CIT: variants seen among roughly 807,000 people sequenced by gnomAD.
CIT encodes the protein citron rho-interacting serine/threonine kinase.
In CIT, 79 loss-of-function variants were observed where a neutral mutation model predicts 272.7. The observed-to-expected ratio is 0.29, with a 90% CI of 0.24 to 0.35. CIT has a LOEUF of 0.35. CIT is among the 10% of genes least tolerant of loss of function. CIT has a pLI of 1.00. For missense variants in CIT, 1,909 were observed against 2,618.3 expected (o/e 0.73, Z 5.91); for synonymous variants, 948 against 995.6 (o/e 0.95, Z 0.90).
intron 1 of CIT, 107 bp downstream of exon 1, chr12:119,877,142 C>G (rs893592168): frequency 3.9e-5 from 6 of 152,200 alleles, no homozygotes; most frequent in Non-Finnish European, 8.8e-5. Flanking sequence ...AATCGCCGCC[C>G]TCCCCGGGGC....
intron 9 of CIT, among the ~76,000 whole-genome samples, chr12:119,809,955 C>T (rs546622690): frequency 5.4e-4 from 82 of 152,324 alleles, no homozygotes; most frequent in African/African-American, 1.9e-3. Flanking sequence ...CCAGGGAGGG[C>T]GTGGAAGCTC....
At position 119,807,904 on chromosome 12, in the gene CIT, GA is replaced by G. The variant is rs199881997; in HGVS notation, c.1112-4516del. Among the ~76,000 whole-genome samples, 146 of 151,110 alleles carry G rather than the reference GA, an allele frequency of 9.7e-4. 1 individual carries two copies. Among genetic ancestry groups the G allele is most frequent in the African/African-American group, 3.3e-3 (136 of 41,114 alleles). ...GGAAAAGCCACTAAAAAAAAAAATA[GA>G]AAAAAATATTTCCATATATATTTTT... On this transcript the variant is annotated intron_variant, in intron 9 of 47. Transcript: ENST00000392521.
chr12:119,721,214 T>C lies in CIT; in HGVS notation c.3732+95A>G. 5 of 1,147,916 alleles carry C rather than the reference T, an allele frequency of 4.4e-6. No homozygotes were observed. In the South Asian group the frequency reaches 5.9e-5, roughly 13 times the overall value. The allele number at this position is 1,147,916 out of a possible 1,614,324, so 71.1% of individuals were successfully genotyped here. A position where few individuals can be genotyped will look rare whatever the true frequency, so the allele number is the denominator to read the frequency against. On this transcript the variant is annotated intron_variant, in intron 29 of 47. Coordinates refer to ENST00000392521, the MANE Select transcript of CIT (RefSeq NM_001206999.2). ...ACTCCTGACCTCAAGTAATCTGCCC[T>C]CCTCAGCCTCCCGAAGTGCTGGGAT...
chr12:119,698,695 A>T (rs1452093866), intron 44 of CIT, among the ~76,000 whole-genome samples: 3 of 152,194 alleles, frequency 2.0e-5, no homozygotes, highest in African/African-American at 7.2e-5. Flanking sequence ...CCCAAGGTAC[A>T]CTGCTCAGTG....
chr12:119,840,826 G>A (rs528803950), intron 5 of CIT, among the ~76,000 whole-genome samples: 1 of 152,278 alleles, frequency 6.6e-6, no homozygotes, highest in South Asian at 2.1e-4. Flanking sequence ...ATGTCTCACT[G>A]TCAAAACTAT....
At chr12:119,862,688 T>C (rs568983100) in intron 3 of CIT, among the ~76,000 whole-genome samples, 117 of 150,870 alleles carry the variant, frequency 7.8e-4, no homozygotes, top group African/African-American at 2.8e-3. Context: ...CAGGCACCTA[T>C]AATCCCAGCT....
intron 3 of CIT, among the ~76,000 whole-genome samples, chr12:119,868,294 T>C (rs1312850221): frequency 6.6e-6 from 1 of 152,218 alleles, no homozygotes; most frequent in African/African-American, 2.4e-5. Context: ...CATTATACAT[T>C]ATTATATTCA....
Position 119,730,568 on chromosome 12 carries a change from T to G in CIT, c.3413A>C (p.His1138Pro). 6.2e-7 allele frequency: 1 copy of G among 1,614,158 alleles called. No individual in the cohort carries two copies. Among genetic ancestry groups the G allele is most frequent in the East Asian group, 2.2e-5 (1 of 44,874 alleles). ...CTGCAGAGCGAGAATCTCAGCCTTG[T>G]GCTCCTTCACTGCCAGCTCCACCAC... is the stretch of plus-strand genomic sequence containing the variant. ...RQVVELAVKEHKAEILALQQA... is the reference protein window; with the variant it reads ...RQVVELAVKEPKAEILALQQA... The change falls in exon 27 of 48, where the codon CAC becomes CCC. Residue 1138 changes from histidine to proline, a missense_variant. Around this residue, in one of 8 missense-constraint regions of CIT, gnomAD observed 530 missense variants for 822.4 expected, o/e 0.64. Transcript: ENST00000392521.
In CIT at chr12:119,690,324, G is replaced by A. The variant is rs781051570; in HGVS notation, c.6013C>T (p.Arg2005Trp). The A allele has an allele frequency of 1.3e-6, 2 of 1,595,986 alleles. No individual in the cohort carries two copies. Among genetic ancestry groups the A allele is most frequent in the Non-Finnish European group, 1.7e-6 (2 of 1,177,852 alleles). Residue 2005 changes from arginine to tryptophan, a missense_variant, in exon 47 of 48, where the codon CGG becomes TGG. Physicochemically the swap from Arg to Trp is moderately radical, Grantham distance 101. This residue lies in a region of CIT where 780 missense variants were observed against 1,067.2 expected (regional missense o/e 0.73). Coordinates refer to ENST00000392521, the MANE Select transcript of CIT (RefSeq NM_001206999.2). The surrounding 1 kb of genome is among the most constrained non-coding windows in gnomAD (Gnocchi z 6.0). Reference protein sequence around the residue: ...PSTPHRYREGRTELRRDKSPG... With the variant: ...PSTPHRYREGWTELRRDKSPG... ...GACTTGTCCCTGCGCAGCTCGGTCC[G>A]CCCCTCGCGGTAGCGGTGGGGTGTG...
intron 3 of CIT, among the ~76,000 whole-genome samples, chr12:119,865,093 A>G (rs1229527748): frequency 1.3e-5 from 2 of 152,206 alleles, no homozygotes; most frequent in Non-Finnish European, 2.9e-5. Flanking sequence ...CACTAATGTA[A>G]TCACCCATTT....
chr12:119,688,589 A>G (rs987078425), intron 47 of CIT, among the ~76,000 whole-genome samples: 4 of 152,232 alleles, frequency 2.6e-5, no homozygotes, highest in African/African-American at 9.6e-5. Flanking sequence ...TGCAGGTGGC[A>G]TCAGAAGGAG....
intron 8 of CIT, among the ~76,000 whole-genome samples, chr12:119,824,716 T>C (rs1968021491): frequency 6.6e-6 from 1 of 152,222 alleles, no homozygotes; most frequent in Non-Finnish European, 1.5e-5. Context: ...ATTCACACAA[T>C]ACGTATAAAA....
intron 10 of CIT, among the ~76,000 whole-genome samples, chr12:119,801,512 G>A (rs568644741): frequency 1.1e-4 from 17 of 151,998 alleles, no homozygotes; most frequent in East Asian, 1.9e-4. Flanking sequence ...ATCCTCCCTC[G>A]TCTTTCAGAT....
intron 9 of CIT, among the ~76,000 whole-genome samples, chr12:119,812,580 C>T (rs1431883593): frequency 6.6e-6 from 1 of 151,998 alleles, no homozygotes; most frequent in East Asian, 1.9e-4. Context: ...GCTGGGATTA[C>T]AGGTGCACAC....
chr12:119,700,706 G>C (rs780729671), intron 44 of CIT, 39 bp downstream of exon 44: 1 of 1,530,520 alleles, frequency 6.5e-7, no homozygotes, highest in Non-Finnish European at 9.1e-7. Context: ...GACACCAGCT[G>C]CTGGCAAAAG....
At position 119,713,355 on chromosome 12, in the gene CIT, G is replaced by A; in HGVS notation, c.4488-61C>T. On this transcript the variant is annotated intron_variant, in intron 34 of 47. Transcript: ENST00000392521. This position sits in a 1 kb window ranked among gnomAD's most constrained non-coding sequence, Gnocchi z 5.2. ...ACTCAGAAGAAACATCCGGCTGGAG[G>A]ATAGGATGAGGGGGTGGCAGAGTTC... 6.3e-7 allele frequency: 1 copy of A among 1,585,268 alleles called. No individual in the cohort carries two copies. The highest frequency in any genetic ancestry group is 1.3e-5 in the African/African-American group (1 of 74,326).
At chr12:119,750,798 G>GAT (rs1960157454) in intron 23 of CIT, among the ~76,000 whole-genome samples, 2 of 145,446 alleles carry the variant, frequency 1.4e-5, no homozygotes, top group Admixed American at 1.4e-4. Flanking sequence ...GATAGATAGA[G>GAT]ATATAGAGAT....
At chr12:119,793,605 C>T (rs1162922127) in intron 10 of CIT, among the ~76,000 whole-genome samples, 4 of 152,240 alleles carry the variant, frequency 2.6e-5, no homozygotes, top group Non-Finnish European at 4.4e-5. Flanking sequence ...TTAAGTACCC[C>T]CTACCCAAAC....
chr12:119,700,090 G>A (rs1057275827), intron 44 of CIT, among the ~76,000 whole-genome samples: 7 of 152,194 alleles, frequency 4.6e-5, no homozygotes, highest in African/African-American at 1.7e-4. Context: ...ATTAGAACTG[G>A]TTAAGTGAAC....
Sources: allele counts gnomAD v4.1 joint callset (sites outside exome capture counted in the v4.1 genomes callset), GRCh38; gene constraint gnomAD v4.1.1; regional missense constraint gnomAD v4.1.1; non-coding constraint Gnocchi (gnomAD v3.1); transcripts MANE v1.5; gene names NCBI Gene and HGNC (gene_info 2026-07-23, HGNC 2026-07-21).